The following LPP variants were observed in gnomAD, a reference collection of about 807,000 sequenced individuals.
LPP encodes the protein LIM domain containing preferred translocation partner in lipoma.
LPP carries 38 observed loss-of-function variants against 60.4 expected under a neutral mutation model. That is an observed-to-expected ratio of 0.63 (90% CI 0.49 to 0.83). The LOEUF is 0.83. Ranked by LOEUF, LPP falls within the 40% of genes least tolerant of loss-of-function variation. The pLI is 0.00. For synonymous variants in LPP, 328 were observed against 290.8 expected, an observed-to-expected ratio of 1.13 and a Z score of -1.30; for missense variants, 902 against 783.6, an observed-to-expected ratio of 1.15 and a Z score of -1.80.
chr3:188,299,534 C>G (rs1434438089), intron 2 of LPP, among the ~76,000 whole-genome samples: 1 of 152,138 alleles, frequency 6.6e-6, no homozygotes, highest in Non-Finnish European at 1.5e-5. Flanking sequence ...ATAGGTTGGA[C>G]AAGTCCCGTT....
intron 1 of LPP, among the ~76,000 whole-genome samples, chr3:188,154,557 A>C (rs1473549852): frequency 1.3e-5 from 2 of 152,112 alleles, no homozygotes; most frequent in African/African-American, 4.8e-5. Flanking sequence ...ATCCGCTTAG[A>C]GCTTTCGCGG....
In LPP at chr3:188,159,532, G is replaced by A. The variant is rs576318704; in HGVS notation, c.-190+5280G>A. The stretch of plus-strand genomic sequence containing the variant: ...TAAGCTGCTTGAGGATTGCAGTGAT[G>A]TCTGCTTGTTGATGGCTGTATTCCC... On this transcript the variant is annotated intron_variant, in intron 1 of 11. Coordinates refer to ENST00000617246, the MANE Select transcript of LPP (RefSeq NM_001375462.1). 2.0e-5 allele frequency among the ~76,000 whole-genome samples: 3 copies of A among 152,326 alleles called. No homozygotes were observed. In the South Asian group the frequency reaches 6.2e-4, roughly 32 times the overall value.
chr3:188,853,849 T>A (rs1161286709), intron 9 of LPP, among the ~76,000 whole-genome samples: 1 of 152,184 alleles, frequency 6.6e-6, no homozygotes, highest in Non-Finnish European at 1.5e-5. Flanking sequence ...TTTCCTTTTC[T>A]TTTACTCACC....
rs371351414 is a variant in LPP, at chr3:188,334,575, C to T, written c.-66-7088C>T. The stretch of plus-strand genomic sequence containing the variant: ...CCTCCCGAGTAGCTGGGACTACAGA[C>T]GCGCGCTACCACGCCCGGCTAATTT... On this transcript the variant is annotated intron_variant, in intron 2 of 11. Coordinates refer to ENST00000617246, the MANE Select transcript of LPP (RefSeq NM_001375462.1). Among the ~76,000 whole-genome samples the T allele has an allele frequency of 3.0e-3, 459 of 151,894 alleles. 4 individuals are homozygous for T. Among genetic ancestry groups the T allele is most frequent in the African/African-American group, 9.5e-3 (394 of 41,442 alleles).
At chr3:188,471,583 T>C (rs927732979) in intron 4 of LPP, among the ~76,000 whole-genome samples, 1 of 152,178 alleles carries the variant, frequency 6.6e-6, no homozygotes, top group African/African-American at 2.4e-5. Context: ...AATAGAAAAA[T>C]AGAGCACACA....
At position 188,416,096 on chromosome 3, in the gene LPP, C is replaced by T. The variant is rs1039739804; in HGVS notation, c.193+9783C>T. ...ACTATTTTTGCAACTTTCTATGAGT[C>T]CATATTTAAAAAAAAATTAATAATA... On this transcript the variant is annotated intron_variant, in intron 4 of 11. Coordinates refer to ENST00000617246, the MANE Select transcript of LPP (RefSeq NM_001375462.1). Among the ~76,000 whole-genome samples, 4 of 44,010 alleles carry T rather than the reference C, an allele frequency of 9.1e-5. No individual in the cohort carries two copies. In the East Asian group the frequency reaches 1.2e-3, roughly 13 times the overall value. 28.9% of individuals were successfully genotyped at this position (44,010 alleles called of 152,430 possible).
At chr3:188,677,298 A>T (rs1458038449) in intron 7 of LPP, among the ~76,000 whole-genome samples, 1 of 152,142 alleles carries the variant, frequency 6.6e-6, no homozygotes, top group Admixed American at 6.5e-5. Flanking sequence ...AGAATCTAAC[A>T]TTTTCTTCAC....
chr3:188,175,850 T>C (rs1722905806), intron 1 of LPP, among the ~76,000 whole-genome samples: 1 of 152,188 alleles, frequency 6.6e-6, no homozygotes, highest in African/African-American at 2.4e-5. Context: ...TAATTTTTTT[T>C]TTTTTAAATA....
At chr3:188,488,719 C>T (rs1807376295) in intron 5 of LPP, among the ~76,000 whole-genome samples, 1 of 152,064 alleles carries the variant, frequency 6.6e-6, no homozygotes, top group South Asian at 2.1e-4. Context: ...TCACTGCAAC[C>T]TCCACCTCCC....
chr3:188,671,006 C>A (rs1360218452), intron 7 of LPP, among the ~76,000 whole-genome samples: 2 of 152,186 alleles, frequency 1.3e-5, no homozygotes, highest in Admixed American at 1.3e-4. Flanking sequence ...GCGTTTTCTA[C>A]ATAAGTTGTC....
At chr3:188,545,838 C>A (rs989153189) in intron 6 of LPP, among the ~76,000 whole-genome samples, 1 of 152,056 alleles carries the variant, frequency 6.6e-6, no homozygotes, top group African/African-American at 2.4e-5. Context: ...GATTGAGGTC[C>A]ACCTGGGCTC....
intron 4 of LPP, among the ~76,000 whole-genome samples, chr3:188,409,017 C>A (rs1451218316): frequency 6.6e-6 from 1 of 152,136 alleles, no homozygotes; most frequent in Non-Finnish European, 1.5e-5. Context: ...TTCCTCATAG[C>A]TCATATTATG....
At chr3:188,341,141 A>G (rs895432973) in intron 2 of LPP, among the ~76,000 whole-genome samples, 16 of 152,102 alleles carry the variant, frequency 1.1e-4, no homozygotes, top group African/African-American at 3.6e-4. Flanking sequence ...AGCTGGTTTT[A>G]TTTTATTTTC....
At chr3:188,584,985 G>A (rs4686979) in intron 6 of LPP, among the ~76,000 whole-genome samples, 53,075 of 151,966 alleles carry the variant, frequency 0.35, 10,286 homozygotes, top group African/African-American at 0.5. Flanking sequence ...TGCCTAAAGC[G>A]TTTAGAAATT....
intron 7 of LPP, among the ~76,000 whole-genome samples, chr3:188,639,547 A>G (rs1580611919): frequency 6.6e-6 from 1 of 151,122 alleles, no homozygotes; most frequent in East Asian, 1.9e-4. Flanking sequence ...GCTTCTGCAC[A>G]GCAAAAGAAA....
chr3:188,751,481 A>C (rs940259361), intron 8 of LPP, among the ~76,000 whole-genome samples: 3 of 152,238 alleles, frequency 2.0e-5, no homozygotes, highest in African/African-American at 7.2e-5. Context: ...AAATTAACTT[A>C]AAGAGAAATC....
At chr3:188,155,927 A>G (rs1038820695) in intron 1 of LPP, among the ~76,000 whole-genome samples, 1 of 152,120 alleles carries the variant, frequency 6.6e-6, no homozygotes, top group African/African-American at 2.4e-5. Flanking sequence ...AGGCAGGAGA[A>G]TCGCTTGAAC....
At chr3:188,548,115 A>G (rs762213148) in intron 6 of LPP, among the ~76,000 whole-genome samples, 3 of 152,212 alleles carry the variant, frequency 2.0e-5, no homozygotes, top group Non-Finnish European at 4.4e-5. Flanking sequence ...ATCAAAGCCC[A>G]GCCCCTGAGA....
chr3:188,724,820 C>G (rs1361025108), intron 8 of LPP, among the ~76,000 whole-genome samples: 1 of 152,134 alleles, frequency 6.6e-6, no homozygotes, highest in African/African-American at 2.4e-5. Context: ...ATCTTCTAGT[C>G]TAGTGATGTG....
Sources: gnomAD v4.1 joint callset for allele counts (sites outside exome capture counted in the v4.1 genomes callset) on GRCh38, gnomAD v4.1.1 for gene constraint, MANE v1.5 for transcripts, NCBI Gene and HGNC (gene_info 2026-07-23, HGNC 2026-07-21) for gene names.